The following SMG6 variants were observed in gnomAD, a reference collection of about 807,000 sequenced individuals.
SMG6 encodes SMG6 nonsense mediated mRNA decay factor, also known as telomerase-binding protein EST1A.
SMG6 carries 66 observed loss-of-function variants against 142.2 expected under a neutral mutation model. The ratio of observed to expected loss-of-function variants is 0.46; its 90% CI spans 0.38 to 0.57. The LOEUF is 0.57. Among genes scored for constraint, SMG6 ranks in the 20% least tolerant of loss-of-function variants. SMG6 has a pLI of 0.00. For synonymous variants in SMG6, 779 were observed against 702.4 expected (o/e 1.11, Z -1.72); for missense variants, 1,793 against 1,832.0 (o/e 0.98, Z 0.39).
At position 2,152,044 on chromosome 17, in the gene SMG6, C is replaced by T. The variant is rs114993389; in HGVS notation, c.3357+20614G>A. Reference sequence around the variant, plus strand: ...AACGACTTCACTCTGGAATATACTACGGGCAAGAAGCTGGCCTGACCTCTC... The same window carrying T: ...AACGACTTCACTCTGGAATATACTATGGGCAAGAAGCTGGCCTGACCTCTC... On this transcript the variant is annotated intron_variant, in intron 13 of 18. Transcript: ENST00000263073. 2.4e-3 allele frequency among the ~76,000 whole-genome samples: 363 copies of T among 152,324 alleles called. 1 individual carries two copies. The highest frequency in any genetic ancestry group is 8.3e-3 in the African/African-American group (345 of 41,564).
rs1352630128 is a variant in SMG6, at chr17:2,068,553, A to G, written c.3835+225T>C. Among the ~76,000 whole-genome samples the G allele has an allele frequency of 6.6e-6, 1 of 152,214 alleles. No individual in the cohort carries two copies. Among genetic ancestry groups the G allele is most frequent in the African/African-American group, 2.4e-5 (1 of 41,458 alleles). On this transcript the variant is annotated intron_variant, in intron 16 of 18. Coordinates refer to ENST00000263073, the MANE Select transcript of SMG6 (RefSeq NM_017575.5). The surrounding 1 kb of genome is among the most constrained non-coding windows in gnomAD (Gnocchi z 6.7). ...CAGCCTCTGGTTGCTGGGACACAGG[A>G]GTCCATTTGCTCAAGCAGTTTAAGC...
intron 13 of SMG6, among the ~76,000 whole-genome samples, chr17:2,158,928 C>G (rs1188484441): frequency 7.0e-6 from 1 of 143,078 alleles, no homozygotes; most frequent in Non-Finnish European, 1.5e-5. Flanking sequence ...GCAAACCAGT[C>G]ACAGACCACG....
intron 10 of SMG6, chr17:2,233,617 T>G (rs1439940359): frequency 6.6e-6 from 1 of 152,192 alleles, no homozygotes; most frequent in Non-Finnish European, 1.5e-5. Flanking sequence ...TGCTGCTGAT[T>G]AGTGAAGGAT....
chr17:2,214,781 G>A (rs1423306255), intron 10 of SMG6, among the ~76,000 whole-genome samples: 1 of 152,224 alleles, frequency 6.6e-6, no homozygotes, highest in African/African-American at 2.4e-5. Flanking sequence ...CAGAGATACC[G>A]CTGTCGAAGT....
At chr17:2,210,652 C>T (rs1045050072) in intron 10 of SMG6, among the ~76,000 whole-genome samples, 3 of 149,626 alleles carry the variant, frequency 2.0e-5, no homozygotes, top group Non-Finnish European at 4.4e-5. Context: ...GGATGCTGCA[C>T]GAGAAAGAGG....
chr17:2,302,830 A>G (rs2075313924), intron 1 of SMG6, among the ~76,000 whole-genome samples: 1 of 152,110 alleles, frequency 6.6e-6, no homozygotes, highest in Non-Finnish European at 1.5e-5. Flanking sequence ...GGATGGGGAA[A>G]GCTATTCCTA....
At position 2,176,836 on chromosome 17, in the gene SMG6, G is replaced by A. The variant is rs190031783; in HGVS notation, c.3156-3977C>T. ...GTTACAAGTATGCACTCAGAACCAA[G>A]GCTCACTTGCTTCCCTACAGACATG... is the stretch of plus-strand genomic sequence containing the variant. On this transcript the variant is annotated intron_variant, in intron 12 of 18. Transcript: ENST00000263073. Among the ~76,000 whole-genome samples the A allele has an allele frequency of 1.1e-4, 17 of 152,260 alleles. No homozygotes were observed. In the East Asian group the frequency reaches 3.3e-3, roughly 29 times the overall value.
intron 7 of SMG6, 74 bp from the exon 8 acceptor site, chr17:2,282,933 T>C (rs2074822821): frequency 2.0e-6 from 3 of 1,467,182 alleles, no homozygotes; most frequent in South Asian, 2.3e-5. Context: ...CACTTAGAGA[T>C]GCGGAGGCAG....
chr17:2,285,654 C>T (rs1007536387), intron 6 of SMG6, among the ~76,000 whole-genome samples: 3 of 152,072 alleles, frequency 2.0e-5, no homozygotes, highest in Admixed American at 6.6e-5. Flanking sequence ...GCCTTGGCAA[C>T]GCAGTGAGAC....
intron 13 of SMG6, among the ~76,000 whole-genome samples, chr17:2,156,938 G>GT (rs2071025950): frequency 6.6e-6 from 1 of 152,176 alleles, no homozygotes; most frequent in African/African-American, 2.4e-5. Context: ...CAGGCATGGT[G>GT]TCACCGGGTG....
intron 13 of SMG6, among the ~76,000 whole-genome samples, chr17:2,103,193 T>G (rs551152278): frequency 6.6e-6 from 1 of 152,312 alleles, no homozygotes; most frequent in South Asian, 2.1e-4. Context: ...CAGGTTTCTG[T>G]GATTCTGGGC....
chr17:2,110,081 C>CAAAAAAA (rs57135671), intron 13 of SMG6, among the ~76,000 whole-genome samples: 2 of 87,978 alleles, frequency 2.3e-5, no homozygotes, highest in Middle Eastern at 6.2e-3. Context: ...GATTCCATCT[C>CAAAAAAA]AAAAAAAAAA....
rs1597518759 is a variant in SMG6 at position 2,172,859 on chromosome 17, A to C, written c.3156T>G (p.His1052Gln). ...GCGTCGACCATACATCCACAGCAACACTGTGAGAAATAAGGTAAGAAAAGA... is the reference window on the plus strand; with the variant it reads ...GCGTCGACCATACATCCACAGCAACCCTGTGAGAAATAAGGTAAGAAAAGA... ...PPPTSLDLPS[H>Q]VAVDVWSTLA... is the part of the protein sequence containing the mutation. Residue 1052 changes from histidine (H) to glutamine (Q), a missense_variant and splice_region_variant, in exon 13 of 19, where the codon CAT becomes CAG. By Grantham distance (24) the His-to-Gln change is conservative (BLOSUM62 0). This residue lies in a region of SMG6 where 1,597 missense variants were observed against 1,584.6 expected (regional missense o/e 1.01). Transcript: ENST00000263073. 4 of 1,613,748 alleles carry C rather than the reference A, an allele frequency of 2.5e-6. No homozygotes were observed. The East Asian group carries it at 8.9e-5, about 36-fold the overall frequency.
chr17:2,268,082 A>G (rs2074463776), intron 8 of SMG6, among the ~76,000 whole-genome samples: 4 of 152,022 alleles, frequency 2.6e-5, no homozygotes, highest in Admixed American at 2.6e-4. Flanking sequence ...TATTTTTATT[A>G]TTATTAGAGA....
intron 8 of SMG6, among the ~76,000 whole-genome samples, chr17:2,281,606 C>G (rs918317020): frequency 6.6e-6 from 1 of 152,190 alleles, no homozygotes; most frequent in Admixed American, 6.5e-5. Flanking sequence ...TATTTCTAGT[C>G]TTACTCTTCT....
intron 13 of SMG6, among the ~76,000 whole-genome samples, chr17:2,113,001 A>T (rs2069386086): frequency 6.6e-6 from 1 of 152,036 alleles, no homozygotes; most frequent in Admixed American, 6.6e-5. Context: ...CAAGTGATCT[A>T]CTGGCCTCAG....
Position 2,237,490 on chromosome 17 carries a change from T to G in SMG6, c.2724-853A>C, listed in dbSNP as rs571960996. 15 of 985,400 alleles carry G rather than the reference T, an allele frequency of 1.5e-5. 1 individual carries two copies. The South Asian group carries it at 7.0e-4, about 46-fold the overall frequency. 61.0% of individuals were successfully genotyped at this position (985,400 alleles called of 1,614,324 possible). A position where few individuals can be genotyped will look rare whatever the true frequency, so the allele number is the denominator to read the frequency against. ...CCCAAATTTCCCCTTGAAGAATGCC[T>G]AGACCTAGAAGCCCCCAGTCATCTG... On this transcript the variant is annotated intron_variant, in intron 9 of 18. Transcript: ENST00000263073.
chr17:2,252,532 A>G (rs1301492200), intron 8 of SMG6, among the ~76,000 whole-genome samples: 1 of 152,144 alleles, frequency 6.6e-6, no homozygotes, highest in African/African-American at 2.4e-5. Flanking sequence ...AGAGTTGAAA[A>G]CCTGGGTTCG....
rs752226341 is a variant in SMG6 at position 2,172,845 on chromosome 17, A to C, written c.3170T>G (p.Val1057Gly). Residue 1057 changes from valine (V) to glycine (G), a missense_variant, in exon 13 of 19, where the codon GTA becomes GGA. This residue lies in a region of SMG6 where 1,597 missense variants were observed against 1,584.6 expected (regional missense o/e 1.01). Coordinates refer to ENST00000263073, the MANE Select transcript of SMG6 (RefSeq NM_017575.5). ...ACAGAAATCAGCCAGCGTCGACCATACATCCACAGCAACACTGTGAGAAAT... is the reference window on the plus strand; with the variant it reads ...ACAGAAATCAGCCAGCGTCGACCATCCATCCACAGCAACACTGTGAGAAAT... ...LDLPSHVAVD[V>G]WSTLADFCNI... is the part of the protein sequence containing the mutation. 2.8e-5 allele frequency: 45 copies of C among 1,614,168 alleles called. No individual in the cohort carries two copies. Among genetic ancestry groups the C allele is most frequent in the Non-Finnish European group, 3.6e-5 (42 of 1,179,996 alleles).
Sources: allele counts gnomAD v4.1 joint callset (sites outside exome capture counted in the v4.1 genomes callset), GRCh38; gene constraint gnomAD v4.1.1; regional missense constraint gnomAD v4.1.1; non-coding constraint Gnocchi (gnomAD v3.1); transcripts MANE v1.5; gene names NCBI Gene and HGNC (gene_info 2026-07-23, HGNC 2026-07-21).